The following CLTA variants were observed in gnomAD, a reference collection of about 807,000 sequenced individuals.
CLTA encodes the protein clathrin light chain A.
CLTA carries 9 observed loss-of-function variants against 26.9 expected under a neutral mutation model. The ratio of observed to expected loss-of-function variants is 0.33; its 90% CI spans 0.20 to 0.58. CLTA has a LOEUF of 0.58. CLTA is among the 20% of genes least tolerant of loss of function. The pLI, the probability that CLTA is intolerant of heterozygous loss-of-function variation, is 0.85. For missense variants in CLTA, 278 were observed against 294.2 expected (o/e 0.94, Z 0.40); for synonymous variants, 120 against 115.5 (o/e 1.04, Z -0.25).
At chr9:36,192,486 C>A (rs1284240026) in intron 1 of CLTA, among the ~76,000 whole-genome samples, 1 of 152,078 alleles carries the variant, frequency 6.6e-6, no homozygotes, top group African/African-American at 2.4e-5. Context: ...CAAATCAGTC[C>A]CCCAATAAGA....
At chr9:36,197,728 G>A in intron 2 of CLTA, 140 bp downstream of exon 2, 2 of 645,856 alleles carry the variant, frequency 3.1e-6, no homozygotes, top group Non-Finnish European at 5.4e-6. Context: ...ATCTACCAAA[G>A]TGGAAAGATT....
intron 2 of CLTA, 125 bp from the exon 3 acceptor site, chr9:36,198,854 C>T: frequency 1.8e-6 from 1 of 557,098 alleles, no homozygotes; most frequent in Non-Finnish European, 3.1e-6. Context: ...GCCTTGGCGA[C>T]AAGAGTGAAA....
chr9:36,191,417 G>C, intron 1 of CLTA, 144 bp downstream of exon 1: 2 of 1,023,690 alleles, frequency 2.0e-6, no homozygotes. Flanking sequence ...ACCCTGGCCC[G>C]GTCTTTCAGA....
chr9:36,197,286 A>G (rs1028968179), intron 1 of CLTA, among the ~76,000 whole-genome samples: 3 of 152,062 alleles, frequency 2.0e-5, no homozygotes, highest in Non-Finnish European at 2.9e-5. Flanking sequence ...CTAGTCTTCC[A>G]TTTGTTACCA....
chr9:36,204,554 A>G (rs1363685817), intron 4 of CLTA, among the ~76,000 whole-genome samples: 3 of 152,204 alleles, frequency 2.0e-5, no homozygotes, highest in East Asian at 1.9e-4. Context: ...AGTCTCCTCA[A>G]TATAGCCCTG....
chr9:36,202,559 A>G (rs921677550), intron 3 of CLTA, among the ~76,000 whole-genome samples: 3 of 152,236 alleles, frequency 2.0e-5, no homozygotes, highest in Admixed American at 1.3e-4. Context: ...TGAGGTAAGC[A>G]AAGTGTAAGC....
At chr9:36,196,994 C>T (rs2132872618) in intron 1 of CLTA, among the ~76,000 whole-genome samples, 1 of 152,190 alleles carries the variant, frequency 6.6e-6, no homozygotes, top group East Asian at 1.9e-4. Flanking sequence ...GGCAGCATGG[C>T]GAAACCCCCT....
intron 2 of CLTA, among the ~76,000 whole-genome samples, chr9:36,198,296 C>T (rs1025127107): frequency 6.6e-6 from 1 of 152,026 alleles, no homozygotes; most frequent in Non-Finnish European, 1.5e-5. Context: ...CCGCACCCCG[C>T]CAGAGCCACC....
intron 4 of CLTA, chr9:36,210,592 T>A: frequency 6.2e-7 from 1 of 1,614,060 alleles, no homozygotes; most frequent in Non-Finnish European, 8.5e-7. Flanking sequence ...ACTTAAAGTT[T>A]CTCTCGTTTC....
intron 1 of CLTA, among the ~76,000 whole-genome samples, chr9:36,195,880 A>G (rs1466017551): frequency 6.6e-6 from 1 of 152,200 alleles, no homozygotes; most frequent in Non-Finnish European, 1.5e-5. Context: ...AGGCAGGAGA[A>G]TCACTTGAAC....
At chr9:36,200,000 C>CTTT (rs1282264885) in intron 3 of CLTA, among the ~76,000 whole-genome samples, 3 of 152,178 alleles carry the variant, frequency 2.0e-5, no homozygotes, top group Non-Finnish European at 4.4e-5. Context: ...TCCCCATCAG[C>CTTT]CACATTGCTT....
At chr9:36,206,203 A>G (rs1827715536) in intron 4 of CLTA, among the ~76,000 whole-genome samples, 1 of 152,176 alleles carries the variant, frequency 6.6e-6, no homozygotes, top group Non-Finnish European at 1.5e-5. Flanking sequence ...TCCAGAGAGA[A>G]GGAACTTCCC....
chr9:36,207,475 C>G (rs73648729), intron 4 of CLTA, among the ~76,000 whole-genome samples: 142 of 152,324 alleles, frequency 9.3e-4, no homozygotes, highest in African/African-American at 3.3e-3. Flanking sequence ...CACTTTGAGG[C>G]TGTTTATGGA....
rs369174220 is a variant in CLTA, at chr9:36,197,673, C to G, written c.255+85C>G. Reference sequence around the variant, plus strand: ...TTTAATTGACTGACCTAGAAAGAAACCCCAGTCCTTTGACTTTCCTGAATG... The same window carrying G: ...TTTAATTGACTGACCTAGAAAGAAAGCCCAGTCCTTTGACTTTCCTGAATG... On this transcript the variant is annotated intron_variant, in intron 2 of 4. Transcript: ENST00000345519. The G allele has an allele frequency of 4.2e-4, 443 of 1,044,068 alleles. 6 individuals are homozygous for G. The South Asian group carries it at 5.8e-3, about 14-fold the overall frequency. 64.7% of individuals were successfully genotyped at this position (1,044,068 alleles called of 1,614,324 possible).
chr9:36,208,756 A>C (rs945469592), intron 4 of CLTA, among the ~76,000 whole-genome samples: 1 of 152,186 alleles, frequency 6.6e-6, no homozygotes, highest in Admixed American at 6.5e-5. Context: ...GGGCACATAC[A>C]GCAGGGAAGA....
chr9:36,196,335 CTTTT>C (rs1827034337), intron 1 of CLTA, among the ~76,000 whole-genome samples: 2 of 135,684 alleles, frequency 1.5e-5, no homozygotes, highest in Admixed American at 7.1e-5. Context: ...TTTTTTCTTT[CTTTT>C]TTCTTTTTTT....
At chr9:36,195,894 G>A (rs1563907621) in intron 1 of CLTA, among the ~76,000 whole-genome samples, 1 of 152,040 alleles carries the variant, frequency 6.6e-6, no homozygotes, top group Non-Finnish European at 1.5e-5. Context: ...CTTGAACCTG[G>A]GAGGCGGAGG....
rs1827896818 is a variant in CLTA, at chr9:36,209,182, T to C, written c.486-2421T>C. 1.1e-5 allele frequency: 16 copies of C among 1,507,782 alleles called. No individual in the cohort carries two copies. The Admixed American group carries it at 2.4e-4, about 22-fold the overall frequency. The allele number at this position is 1,507,782 out of a possible 1,614,324, so 93.4% of individuals were successfully genotyped here. ...TCCTCAGAGCACAGTTGTACCTCAATTGTGGATTTTAGATGTTTCTGCTTC... is the reference window on the plus strand; with the variant it reads ...TCCTCAGAGCACAGTTGTACCTCAACTGTGGATTTTAGATGTTTCTGCTTC... On this transcript the variant is annotated intron_variant, in intron 4 of 4. Coordinates refer to ENST00000345519, the MANE Select transcript of CLTA (RefSeq NM_001833.4).
rs746587996 is a variant in CLTA at position 36,205,755 on chromosome 9, G to GT, written c.485+1598dup. On this transcript the variant is annotated intron_variant, in intron 4 of 4. Transcript: ENST00000345519. ...GTTCTCAGAGGGAGTAATGACACCT[G>GT]TTTTTTTTTTTTTTTTTTTTTTGAG... 3.0e-3 allele frequency among the ~76,000 whole-genome samples: 282 copies of GT among 93,966 alleles called. 5 individuals are homozygous for GT. The highest frequency in any genetic ancestry group is 3.8e-3 in the South Asian group (11 of 2,914). The allele number at this position is 93,966 out of a possible 152,430, so 61.6% of individuals were successfully genotyped here.
Sources: gnomAD v4.1 joint callset for allele counts (sites outside exome capture counted in the v4.1 genomes callset) on GRCh38, gnomAD v4.1.1 for gene constraint, MANE v1.5 for transcripts, NCBI Gene and HGNC (gene_info 2026-07-23, HGNC 2026-07-21) for gene names.